ERC1: variants seen among roughly 807,000 people sequenced by gnomAD.
ERC1 encodes RAB6 interacting protein 2.
In ERC1, 56 loss-of-function variants were observed where a neutral mutation model predicts 132.0. The ratio of observed to expected loss-of-function variants is 0.42; its 90% CI spans 0.34 to 0.53. The LOEUF is 0.53. ERC1 is among the 20% of genes least tolerant of loss of function. The pLI, the probability that ERC1 is intolerant of heterozygous loss-of-function variation, is 0.03. For synonymous variants in ERC1, 478 were observed against 476.1 expected (o/e 1.00, Z -0.05); for missense variants, 1,202 against 1,349.9 (o/e 0.89, Z 1.72).
intron 15 of ERC1, among the ~76,000 whole-genome samples, chr12:1,360,870 C>T (rs1434529404): frequency 2.6e-5 from 4 of 151,886 alleles, no homozygotes; most frequent in Non-Finnish European, 5.9e-5. Context: ...ATCACTTGAG[C>T]CCAGGAGAGC....
intron 7 of ERC1, among the ~76,000 whole-genome samples, chr12:1,122,613 ATCTCTATCTGTGTC>A (rs1947654904): frequency 1.3e-4 from 1 of 7,968 alleles, no homozygotes; most frequent in Admixed American, 1.2e-3. Context: ...CTCTATCTCT[ATCTCTATCTGTGTC>A]TCTATCTCTA....
chr12:1,242,915 C>T (rs1034188131), intron 13 of ERC1, among the ~76,000 whole-genome samples: 4 of 152,148 alleles, frequency 2.6e-5, no homozygotes, highest in Non-Finnish European at 5.9e-5. Context: ...AGGCCGGGCG[C>T]GGTGGCTCAC....
chr12:1,126,539 G>T (rs572998244), intron 7 of ERC1, among the ~76,000 whole-genome samples: 3 of 152,314 alleles, frequency 2.0e-5, no homozygotes, highest in Non-Finnish European at 4.4e-5. Context: ...AAAATGTTTA[G>T]TAGGAATATA....
At chr12:1,327,522 C>T (rs1434064357) in intron 15 of ERC1, among the ~76,000 whole-genome samples, 1 of 152,138 alleles carries the variant, frequency 6.6e-6, no homozygotes, top group Non-Finnish European at 1.5e-5. Context: ...CCTTGGTTTT[C>T]CTCCTGTGTC....
chr12:1,183,993 A>G (rs1954777179), intron 11 of ERC1, among the ~76,000 whole-genome samples: 1 of 152,068 alleles, frequency 6.6e-6, no homozygotes, highest in African/African-American at 2.4e-5. Context: ...AAAATTAGCC[A>G]GGCTTGGTGG....
At position 1,422,821 on chromosome 12, in the gene ERC1, G is replaced by A. The variant is rs1210381554; in HGVS notation, c.3024+14574G>A. 2.0e-5 allele frequency among the ~76,000 whole-genome samples: 3 copies of A among 151,848 alleles called. 1 individual carries two copies. Among genetic ancestry groups the A allele is most frequent in the African/African-American group, 7.3e-5 (3 of 41,148 alleles). On this transcript the variant is annotated intron_variant, in intron 17 of 18. Transcript: ENST00000360905. Reference sequence around the variant, plus strand: ...TAATTTACATTGCCACAAACACTGTGTAAGAGTTCCCTTTTCTCCACATCC... The same window carrying A: ...TAATTTACATTGCCACAAACACTGTATAAGAGTTCCCTTTTCTCCACATCC...
chr12:1,324,309 A>T (rs1221248562), intron 15 of ERC1, among the ~76,000 whole-genome samples: 1 of 152,102 alleles, frequency 6.6e-6, no homozygotes, highest in South Asian at 2.1e-4. Flanking sequence ...TCCAAAGTCT[A>T]CCCTAGGAGC....
rs767590463 is a variant in ERC1 at position 1,028,480 on chromosome 12, G to C, written c.577G>C (p.Glu193Gln). The C allele has an allele frequency of 6.2e-7, 1 of 1,614,142 alleles. No individual in the cohort carries two copies. The highest frequency in any genetic ancestry group is 2.2e-5 in the East Asian group (1 of 44,874). The change falls in exon 2 of 19, where the codon GAG (glutamate) becomes CAG (glutamine). Residue 193 changes from glutamate (E) to glutamine (Q), a missense_variant. Glu to Gln is a conservative substitution (Grantham distance 29). Transcript: ENST00000360905. ...TAGCATCAAGACCTTCTGGAGCCCA[G>C]AGCTGAAGAAGGAACGAGCCCTGAG... ...MNSIKTFWSP[E>Q]LKKERALRKD...
chr12:1,448,020 C>T (rs2093345694), intron 18 of ERC1, among the ~76,000 whole-genome samples: 1 of 152,140 alleles, frequency 6.6e-6, no homozygotes, highest in Admixed American at 6.6e-5. Context: ...ATGGACTTAA[C>T]TCAGTCTTAC....
chr12:1,365,733 T>C (rs1035802855), intron 15 of ERC1, among the ~76,000 whole-genome samples: 2 of 152,228 alleles, frequency 1.3e-5, no homozygotes, highest in African/African-American at 4.8e-5. Context: ...GCTTTTAGTT[T>C]TCAAGTTTAG....
rs1332214457 is a variant in ERC1, at chr12:1,027,872, T to A, written c.-32T>A. 1 of 1,548,238 alleles carries A rather than the reference T, an allele frequency of 6.5e-7. No homozygotes were observed. ...CATTTTTGTTGTTGTTGTTGTTGAT[T>A]TTCTGCTCACACCTTTCCTGACCTT... On this transcript the variant is annotated 5_prime_UTR_variant, in exon 2 of 19. Transcript: ENST00000360905.
chr12:1,058,543 A>C lies in ERC1; in HGVS notation c.670-24621A>C, dbSNP rs529843080. Among the ~76,000 whole-genome samples, 16 of 151,998 alleles carry C rather than the reference A, an allele frequency of 1.1e-4. No homozygotes were observed. In the East Asian group the frequency reaches 3.1e-3, roughly 29 times the overall value. On this transcript the variant is annotated intron_variant, in intron 2 of 18. Coordinates refer to ENST00000360905, the MANE Select transcript of ERC1 (RefSeq NM_178040.4). ...ATTTCTAGGTTCTCTGTTCTGTCCT[A>C]TTGGTCTATGTGTCTGTTTTTATAC...
intron 17 of ERC1, among the ~76,000 whole-genome samples, chr12:1,412,467 T>C (rs1444032182): frequency 6.6e-6 from 1 of 152,090 alleles, no homozygotes; most frequent in Admixed American, 6.5e-5. Context: ...CGCTTAAGAG[T>C]GTAGGCTTTG....
intron 16 of ERC1, chr12:1,380,489 C>G (rs1025103523): frequency 2.6e-5 from 4 of 152,244 alleles, no homozygotes; most frequent in African/African-American, 4.8e-5. Context: ...GACGTGTACT[C>G]ACACTCAGTC....
chr12:1,294,875 G>A (rs573256333), intron 15 of ERC1, among the ~76,000 whole-genome samples: 95 of 152,108 alleles, frequency 6.2e-4, no homozygotes, highest in African/African-American at 2.0e-3. Flanking sequence ...TACCTTATAG[G>A]TAGCTACTCA....
intron 3 of ERC1, among the ~76,000 whole-genome samples, chr12:1,091,314 G>T: frequency 6.6e-6 from 1 of 152,092 alleles, no homozygotes. Flanking sequence ...GTTGGGAAGG[G>T]GATTTTATAA....
rs1204869819 is a variant in ERC1 at position 1,021,840 on chromosome 12, A to G, written c.-156-5908A>G. Among the ~76,000 whole-genome samples the G allele has an allele frequency of 2.6e-5, 4 of 152,142 alleles. No individual in the cohort carries two copies. In the South Asian group the frequency reaches 8.3e-4, roughly 32 times the overall value. ...GGGATAACAGGGAGACAGTGCAAAC[A>G]TGTTCATGCTTGCTGCGCTGTGAGT... On this transcript the variant is annotated intron_variant, in intron 1 of 18. Coordinates refer to ENST00000360905, the MANE Select transcript of ERC1 (RefSeq NM_178040.4).
At position 1,290,000 on chromosome 12, in the gene ERC1, T is replaced by A. The variant is rs1566497329; in HGVS notation, c.2768T>A (p.Val923Asp). Residue 923 changes from valine (V) to aspartate (D), a missense_variant, in exon 15 of 19, where the codon GTT becomes GAT. Coordinates refer to ENST00000360905, the MANE Select transcript of ERC1 (RefSeq NM_178040.4). ...RAERRKHLEEVLEMKQEALLA... is the reference protein window; with the variant it reads ...RAERRKHLEEDLEMKQEALLA... ...GAGAGAAGGAAACACTTAGAGGAAG[T>A]TCTGGAGATGAAGTAAGTGTTTGTA... The A allele has an allele frequency of 6.2e-7, 1 of 1,613,774 alleles. No homozygotes were observed. The highest frequency in any genetic ancestry group is 8.5e-7 in the Non-Finnish European group (1 of 1,179,822).
chr12:1,074,580 G>A (rs1325313187), intron 2 of ERC1, among the ~76,000 whole-genome samples: 1 of 152,180 alleles, frequency 6.6e-6, no homozygotes, highest in Non-Finnish European at 1.5e-5. Flanking sequence ...ACAGGCATGA[G>A]CCACTGCACC....
Sources: gnomAD v4.1 joint callset for allele counts (sites outside exome capture counted in the v4.1 genomes callset) on GRCh38, gnomAD v4.1.1 for gene constraint, MANE v1.5 for transcripts, NCBI Gene and HGNC (gene_info 2026-07-23, HGNC 2026-07-21) for gene names.